Variants in RANBP17 observed in about 807,000 individuals in gnomAD.
RANBP17 encodes RAN binding protein 17, also known as ran-binding protein 17.
A neutral mutation model predicts 141.2 loss-of-function variants in RANBP17; 158 were observed. The observed-to-expected ratio is 1.12, with a 90% CI of 0.98 to 1.28. The LOEUF is 1.28. Among genes scored for constraint, RANBP17 ranks in the 50% most tolerant of loss-of-function variants. The pLI, the probability that RANBP17 is intolerant of heterozygous loss-of-function variation, is 0.00. For synonymous variants in RANBP17, 430 were observed against 450.0 expected, an observed-to-expected ratio of 0.96 and a Z score of 0.56; for missense variants, 1,438 against 1,290.7, an observed-to-expected ratio of 1.11 and a Z score of -1.75.
At chr5:170,963,207 A>G (rs972431035) in intron 13 of RANBP17, among the ~76,000 whole-genome samples, 1 of 152,194 alleles carries the variant, frequency 6.6e-6, no homozygotes, top group Non-Finnish European at 1.5e-5. Context: ...TATGATAAAT[A>G]CTTCATAATG....
intron 4 of RANBP17, 60 bp from the exon 5 acceptor site, chr5:170,895,990 A>G: frequency 1.1e-6 from 1 of 939,116 alleles, no homozygotes; most frequent in Non-Finnish European, 1.6e-6. Context: ...TACCTGGTAT[A>G]TACATTAAGA....
At position 170,916,504 on chromosome 5, in the gene RANBP17, T is replaced by G. The variant is rs1312804401; in HGVS notation, c.874T>G (p.Ser292Ala). The change falls in exon 9 of 28, where the codon TCC becomes GCC. Residue 292 changes from serine (S) to alanine (A), a missense_variant. Physicochemically the swap from Ser to Ala is moderately conservative, Grantham distance 99. Coordinates refer to ENST00000523189, the MANE Select transcript of RANBP17 (RefSeq NM_022897.5). ...AGTTCAGTTTGCTTCGACAAGAAGGTCCTTATTTAACAGTCCTGAACGTGC... is the reference window on the plus strand; with the variant it reads ...AGTTCAGTTTGCTTCGACAAGAAGGGCCTTATTTAACAGTCCTGAACGTGC... Reference protein sequence around the residue: ...CLVQFASTRRSLFNSPERAKY... With the variant: ...CLVQFASTRRALFNSPERAKY... 2 of 1,579,412 alleles carry G rather than the reference T, an allele frequency of 1.3e-6. No individual in the cohort carries two copies. Among genetic ancestry groups the G allele is most frequent in the Admixed American group, 3.6e-5 (2 of 56,002 alleles).
At chr5:171,196,875 A>G (rs1195277593) in intron 18 of RANBP17, among the ~76,000 whole-genome samples, 1 of 152,016 alleles carries the variant, frequency 6.6e-6, no homozygotes, top group Non-Finnish European at 1.5e-5. Flanking sequence ...GGTTGGTCTC[A>G]AACTCCTGGG....
chr5:171,193,263 A>G lies in RANBP17; in HGVS notation c.2039-6407A>G, dbSNP rs576313504. Reference sequence around the variant, plus strand: ...AATTGCATCCTACAGAAATAAATTGAATATGTCTTGTATATAAGCCATGCA... The same window carrying G: ...AATTGCATCCTACAGAAATAAATTGGATATGTCTTGTATATAAGCCATGCA... On this transcript the variant is annotated intron_variant, in intron 18 of 27. Transcript: ENST00000523189. 3.3e-5 allele frequency among the ~76,000 whole-genome samples: 5 copies of G among 152,354 alleles called. No individual in the cohort carries two copies. In the South Asian group the frequency reaches 1.0e-3, roughly 32 times the overall value.
intron 14 of RANBP17, among the ~76,000 whole-genome samples, chr5:171,074,797 A>T (rs1784820129): frequency 6.6e-6 from 1 of 152,132 alleles, no homozygotes. Flanking sequence ...TGGGCTCTTT[A>T]TAAATTATAT....
At chr5:171,238,005 T>G (rs951633863) in intron 22 of RANBP17, among the ~76,000 whole-genome samples, 1 of 152,198 alleles carries the variant, frequency 6.6e-6, no homozygotes, top group Non-Finnish European at 1.5e-5. Flanking sequence ...AAAGCTGCAT[T>G]CCAGTAAATA....
chr5:170,916,517 G>T lies in RANBP17; in HGVS notation c.887G>T (p.Ser296Ile). 6.3e-7 allele frequency: 1 copy of T among 1,591,414 alleles called. No homozygotes were observed. Residue 296 changes from serine to isoleucine, a missense_variant, in exon 9 of 28, where the codon AGT (serine) becomes ATT (isoleucine). Ser to Ile is a moderately radical substitution (Grantham distance 142, BLOSUM62 -2). Coordinates refer to ENST00000523189, the MANE Select transcript of RANBP17 (RefSeq NM_022897.5). ...FASTRRSLFN[S>I]PERAKYLGNL... ...TCGACAAGAAGGTCCTTATTTAACA[G>T]TCCTGAACGTGCCAAGTACCTTGGT...
chr5:170,916,681 A>G (rs1772000978), intron 9 of RANBP17, 97 bp downstream of exon 9: 1 of 838,160 alleles, frequency 1.2e-6, no homozygotes, highest in Non-Finnish European at 1.7e-6. Context: ...TGATTCTGGA[A>G]GAAAACATTT....
intron 14 of RANBP17, among the ~76,000 whole-genome samples, chr5:171,043,401 C>T (rs1782377266): frequency 6.6e-6 from 1 of 152,032 alleles, no homozygotes; most frequent in South Asian, 2.1e-4. Context: ...TCAGTTCTTA[C>T]TCTCTCTGTG....
At chr5:171,061,761 G>C (rs1008360815) in intron 14 of RANBP17, among the ~76,000 whole-genome samples, 10 of 152,040 alleles carry the variant, frequency 6.6e-5, no homozygotes, top group Non-Finnish European at 1.3e-4. Context: ...TTGACAGTGG[G>C]GTGTTAAAAT....
intron 12 of RANBP17, among the ~76,000 whole-genome samples, chr5:170,947,767 G>T (rs1322026641): frequency 6.6e-6 from 1 of 152,050 alleles, no homozygotes; most frequent in East Asian, 1.9e-4. Flanking sequence ...CAGATGGCTA[G>T]TTCGGGCCTC....
chr5:171,240,657 A>T (rs1764812194), intron 22 of RANBP17, among the ~76,000 whole-genome samples: 1 of 152,180 alleles, frequency 6.6e-6, no homozygotes, highest in Non-Finnish European at 1.5e-5. Context: ...AATTTTACAT[A>T]TCTATGTATA....
chr5:171,038,631 A>T (rs778191072), intron 14 of RANBP17, among the ~76,000 whole-genome samples: 10 of 152,052 alleles, frequency 6.6e-5, no homozygotes, highest in African/African-American at 2.2e-4. Context: ...TTTGATGCCT[A>T]GTTTATTGAG....
chr5:170,950,529 A>C (rs1775128617), intron 12 of RANBP17, among the ~76,000 whole-genome samples: 1 of 152,180 alleles, frequency 6.6e-6, no homozygotes, highest in Non-Finnish European at 1.5e-5. Flanking sequence ...TCAAAACCGC[A>C]GTGAGATGCC....
At chr5:171,080,363 T>G (rs904994609) in intron 14 of RANBP17, among the ~76,000 whole-genome samples, 2 of 152,158 alleles carry the variant, frequency 1.3e-5, no homozygotes, top group Non-Finnish European at 2.9e-5. Context: ...TCTGACCTGT[T>G]GCCAAACCTT....
chr5:170,936,724 T>C (rs1415043068), intron 12 of RANBP17, among the ~76,000 whole-genome samples: 1 of 152,226 alleles, frequency 6.6e-6, no homozygotes, highest in East Asian at 1.9e-4. Flanking sequence ...AATATAAATA[T>C]AAATTAAGAT....
At chr5:171,226,470 G>T (rs1489598570) in intron 22 of RANBP17, among the ~76,000 whole-genome samples, 1 of 152,178 alleles carries the variant, frequency 6.6e-6, no homozygotes, top group Non-Finnish European at 1.5e-5. Flanking sequence ...ACTGTCATAA[G>T]AATTTACATC....
intron 13 of RANBP17, among the ~76,000 whole-genome samples, chr5:170,968,002 TG>T (rs1370462013): frequency 3.3e-5 from 5 of 151,960 alleles, no homozygotes; most frequent in African/African-American, 1.2e-4. Context: ...TACAGAGTTT[TG>T]CATCTATATG....
chr5:171,234,634 T>G (rs1258249528), intron 22 of RANBP17, among the ~76,000 whole-genome samples: 1 of 152,144 alleles, frequency 6.6e-6, no homozygotes, highest in East Asian at 1.9e-4. Context: ...CAAATCAAAT[T>G]TCTTGATTCA....
Sources: allele counts gnomAD v4.1 joint callset (sites outside exome capture counted in the v4.1 genomes callset), GRCh38; gene constraint gnomAD v4.1.1; transcripts MANE v1.5; gene names NCBI Gene and HGNC (gene_info 2026-07-23, HGNC 2026-07-21).